MOXD1: variants seen among roughly 807,000 people sequenced by gnomAD.
MOXD1 encodes the protein DBH-like monooxygenase protein 1.
MOXD1 carries 62 observed loss-of-function variants against 66.6 expected under a neutral mutation model. The observed-to-expected ratio is 0.93, with a 90% confidence interval of 0.76 to 1.15. The LOEUF is 1.15. Among genes scored for constraint, MOXD1 ranks in the 50% most tolerant of loss-of-function variants. The pLI is 0.00. For synonymous variants in MOXD1, 303 were observed against 281.9 expected, an observed-to-expected ratio of 1.07 and a Z score of -0.75; for missense variants, 847 against 754.6, an observed-to-expected ratio of 1.12 and a Z score of -1.44.
chr6:132,387,013 A>G (rs1017222151), intron 1 of MOXD1, among the ~76,000 whole-genome samples: 4 of 151,164 alleles, frequency 2.6e-5, no homozygotes, highest in African/African-American at 9.7e-5. Flanking sequence ...AAATATTGCC[A>G]GCTGTTTTTT....
At chr6:132,379,061 C>T (rs1776457015) in intron 1 of MOXD1, among the ~76,000 whole-genome samples, 1 of 151,054 alleles carries the variant, frequency 6.6e-6, no homozygotes, top group Non-Finnish European at 1.5e-5. Context: ...AAATTAAAGA[C>T]ACTACCAAAA....
intron 4 of MOXD1, among the ~76,000 whole-genome samples, chr6:132,332,463 G>T (rs1344356370): frequency 6.6e-6 from 1 of 152,080 alleles, no homozygotes; most frequent in Admixed American, 6.6e-5. Flanking sequence ...TAATATGGGA[G>T]AAAAAATTAC....
intron 10 of MOXD1, among the ~76,000 whole-genome samples, chr6:132,305,422 C>T (rs543283889): frequency 7.9e-5 from 12 of 152,376 alleles, no homozygotes; most frequent in Non-Finnish European, 1.6e-4. Context: ...GACCAGCAGG[C>T]TTCGCCTTTC....
intron 8 of MOXD1, among the ~76,000 whole-genome samples, chr6:132,320,913 G>A (rs999828918): frequency 6.6e-6 from 1 of 152,114 alleles, no homozygotes; most frequent in African/African-American, 2.4e-5. Context: ...CATTCTAGCT[G>A]GATGAACTAC....
intron 9 of MOXD1, among the ~76,000 whole-genome samples, chr6:132,318,138 TATA>T (rs1441794049): frequency 6.6e-5 from 10 of 152,094 alleles, no homozygotes; most frequent in African/African-American, 2.4e-4. Context: ...TTTTCTTTCC[TATA>T]TTATTATATG....
chr6:132,327,868 A>G lies in MOXD1; in HGVS notation c.946+145T>C, dbSNP rs2114582212. On this transcript the variant is annotated intron_variant, in intron 6 of 11. Transcript: ENST00000367963. Reference sequence around the variant, plus strand: ...TATAAATAGTACCCACTTTCACTTTAAAAAGTATCCTAATTTGAATGACAA... The same window carrying G: ...TATAAATAGTACCCACTTTCACTTTGAAAAGTATCCTAATTTGAATGACAA... 8 of 613,542 alleles carry G rather than the reference A, an allele frequency of 1.3e-5. No homozygotes were observed. In the South Asian group the frequency reaches 1.9e-4, roughly 15 times the overall value. 38.0% of individuals were successfully genotyped at this position (613,542 alleles called of 1,614,324 possible). A position where few individuals can be genotyped will look rare whatever the true frequency, so the allele number is the denominator to read the frequency against.
At chr6:132,391,112 C>T (rs914318547) in intron 1 of MOXD1, 2 of 151,240 alleles carry the variant, frequency 1.3e-5, no homozygotes, top group South Asian at 2.1e-4. Context: ...TTAGTTTTCT[C>T]ACCTGAAACA....
Position 132,374,737 on chromosome 6 carries a change from G to A in MOXD1, c.305C>T (p.Ala102Val). The change falls in exon 2 of 12, where the codon GCT becomes GTT. Residue 102 changes from alanine to valine, a missense_variant. Coordinates refer to ENST00000367963, the MANE Select transcript of MOXD1 (RefSeq NM_015529.4). ...ATATTCTAGATGGTAATCTTGCTGA[G>A]CATCTTTTTTCAACTCTCTATTTGC... ...TNANRELKKD[A>V]QQDYHLEYAM... 6.2e-7 allele frequency: 1 copy of A among 1,613,758 alleles called. No homozygotes were observed. Among genetic ancestry groups the A allele is most frequent in the Non-Finnish European group, 8.5e-7 (1 of 1,179,802 alleles).
At chr6:132,384,564 G>A (rs1169093820) in intron 1 of MOXD1, among the ~76,000 whole-genome samples, 1 of 152,202 alleles carries the variant, frequency 6.6e-6, no homozygotes, top group Non-Finnish European at 1.5e-5. Context: ...GGGATCAGAA[G>A]GCTATTTCAG....
intron 4 of MOXD1, among the ~76,000 whole-genome samples, chr6:132,339,865 C>T (rs1268932520): frequency 7.8e-6 from 1 of 129,014 alleles, no homozygotes; most frequent in African/African-American, 4.0e-5. Flanking sequence ...GAAGCTACAG[C>T]TCTTTTTTTT....
At chr6:132,399,501 CAG>C in intron 1 of MOXD1, among the ~76,000 whole-genome samples, 1 of 152,266 alleles carries the variant, frequency 6.6e-6, no homozygotes, top group Non-Finnish European at 1.5e-5. Flanking sequence ...GAACCACAAA[CAG>C]GGTGAAAACA....
chr6:132,374,463 TAA>T (rs1017565937), intron 2 of MOXD1, among the ~76,000 whole-genome samples, 166 bp downstream of exon 2: 1 of 133,882 alleles, frequency 7.5e-6, no homozygotes, highest in Non-Finnish European at 1.5e-5. Context: ...TTTTGGCTTC[TAA>T]AAAAGTAAAA....
intron 4 of MOXD1, among the ~76,000 whole-genome samples, chr6:132,363,615 C>T (rs572218610): frequency 1.5e-4 from 23 of 152,276 alleles, no homozygotes; most frequent in Admixed American, 2.6e-4. Flanking sequence ...AGTCTTGGCT[C>T]TACTTCACCT....
intron 4 of MOXD1, among the ~76,000 whole-genome samples, chr6:132,359,737 C>T (rs1775980118): frequency 6.6e-6 from 1 of 152,282 alleles, no homozygotes; most frequent in South Asian, 2.1e-4. Flanking sequence ...CCGCCCGCCT[C>T]TGCCTCCCAA....
chr6:132,381,112 C>A (rs1449975129), intron 1 of MOXD1, among the ~76,000 whole-genome samples: 1 of 152,174 alleles, frequency 6.6e-6, no homozygotes, highest in Non-Finnish European at 1.5e-5. Context: ...CAGTACCTAA[C>A]AAAGTGACTG....
intron 4 of MOXD1, among the ~76,000 whole-genome samples, chr6:132,367,723 ACTC>A (rs1461440419): frequency 6.6e-6 from 1 of 151,928 alleles, no homozygotes; most frequent in African/African-American, 2.4e-5. Flanking sequence ...AAAAACAACA[ACTC>A]CTGTTTGATC....
At chr6:132,319,902 T>A (rs667465) in intron 9 of MOXD1, among the ~76,000 whole-genome samples, 54,893 of 151,902 alleles carry the variant, frequency 0.36, 10,057 homozygotes, top group South Asian at 0.51. Flanking sequence ...GAGGTGATTA[T>A]ATATCTTTTT....
At chr6:132,303,015 T>G (rs979836391) in intron 10 of MOXD1, among the ~76,000 whole-genome samples, 1 of 152,152 alleles carries the variant, frequency 6.6e-6, no homozygotes, top group African/African-American at 2.4e-5. Context: ...ACGTTGGATT[T>G]ACCTTACACT....
chr6:132,374,550 T>G (rs1330448043), intron 2 of MOXD1, 81 bp downstream of exon 2: 1 of 1,208,492 alleles, frequency 8.3e-7, no homozygotes, highest in East Asian at 2.7e-5. Flanking sequence ...CTATATGACT[T>G]GTTTCTCTTA....
Sources: gnomAD v4.1 joint callset for allele counts (sites outside exome capture counted in the v4.1 genomes callset) on GRCh38, gnomAD v4.1.1 for gene constraint, MANE v1.5 for transcripts, NCBI Gene and HGNC (gene_info 2026-07-23, HGNC 2026-07-21) for gene names.